The following MED26 variants were observed in gnomAD, a reference collection of about 807,000 sequenced individuals.
MED26 encodes the protein mediator complex subunit 26, also known as mediator of RNA polymerase II transcription subunit 26.
MED26 carries 7 observed loss-of-function variants against 43.7 expected under a neutral mutation model. The observed-to-expected ratio is 0.16, with a 90% CI of 0.09 to 0.30. The LOEUF is 0.30. Among genes scored for constraint, MED26 ranks in the 10% least tolerant of loss-of-function variants. The pLI, the probability that MED26 is intolerant of heterozygous loss-of-function variation, is 1.00. For synonymous variants in MED26, 375 were observed against 371.1 expected, an observed-to-expected ratio of 1.01 and a Z score of -0.12; for missense variants, 784 against 840.6, an observed-to-expected ratio of 0.93 and a Z score of 0.83.
chr19:16,602,521 C>T (rs11668389), intron 1 of MED26, among the ~76,000 whole-genome samples: 13,416 of 152,254 alleles, frequency 0.088, 634 homozygotes, highest in South Asian at 0.13. Context: ...AAAGCAGGGA[C>T]GTGGACAGAC....
chr19:16,580,263 T>C (rs767971007), intron 1 of MED26, among the ~76,000 whole-genome samples: 3 of 152,178 alleles, frequency 2.0e-5, no homozygotes, highest in Non-Finnish European at 2.9e-5. Context: ...ACATTTATCA[T>C]CTTAGGCTCT....
intron 1 of MED26, 62 bp downstream of exon 1, chr19:16,627,810 G>T (rs905453508): frequency 3.9e-6 from 5 of 1,284,948 alleles, no homozygotes; most frequent in Non-Finnish European, 1.0e-6. Flanking sequence ...GAGGGGTACA[G>T]GAGAGGGGGA....
intron 1 of MED26, among the ~76,000 whole-genome samples, chr19:16,616,985 C>T (rs1015887395): frequency 5.3e-5 from 8 of 152,136 alleles, no homozygotes; most frequent in African/African-American, 1.9e-4. Context: ...TGCCCAAGGA[C>T]AGCTCATCTT....
At chr19:16,590,720 T>A (rs1313751314) in intron 1 of MED26, among the ~76,000 whole-genome samples, 2 of 152,230 alleles carry the variant, frequency 1.3e-5, no homozygotes, top group Non-Finnish European at 2.9e-5. Flanking sequence ...ATGCGCAGTT[T>A]ATTGTATGTC....
intron 1 of MED26, among the ~76,000 whole-genome samples, chr19:16,596,675 G>A (rs546355681): frequency 2.6e-5 from 4 of 152,314 alleles, no homozygotes; most frequent in Non-Finnish European, 5.9e-5. Context: ...ATGCGGGGTT[G>A]AAGTGGAAGA....
intron 1 of MED26, among the ~76,000 whole-genome samples, chr19:16,584,115 C>T (rs1220582813): frequency 1.3e-5 from 2 of 151,940 alleles, no homozygotes; most frequent in Non-Finnish European, 1.5e-5. Flanking sequence ...TCCACGGGCG[C>T]GGTGGTGTGC....
chr19:16,604,174 A>G (rs980736737), intron 1 of MED26, among the ~76,000 whole-genome samples: 1 of 152,254 alleles, frequency 6.6e-6, no homozygotes. Flanking sequence ...AAGCACAGAA[A>G]GCTGGGACAC....
chr19:16,593,784 G>A (rs2086108537), intron 1 of MED26, among the ~76,000 whole-genome samples: 2 of 152,182 alleles, frequency 1.3e-5, no homozygotes, highest in Non-Finnish European at 2.9e-5. Flanking sequence ...TGCCATCTCT[G>A]AGTGGGTCCT....
chr19:16,593,077 C>T (rs1480264861), intron 1 of MED26, among the ~76,000 whole-genome samples: 2 of 152,322 alleles, frequency 1.3e-5, no homozygotes, highest in Admixed American at 6.5e-5. Flanking sequence ...GCACCTGGTC[C>T]CCAGGAGGGC....
At chr19:16,578,692 A>G (rs2086027237) in intron 1 of MED26, 2 of 410,936 alleles carry the variant, frequency 4.9e-6, no homozygotes, top group Admixed American at 9.0e-5. Context: ...GAAACCCAGG[A>G]TGCCTGTGGA....
rs1450709447 is a variant in MED26 at position 16,587,991 on chromosome 19, C to T, written c.73-9582G>A. The T allele has an allele frequency of 6.6e-6, 1 of 152,308 alleles. No homozygotes were observed. The highest frequency in any genetic ancestry group is 2.4e-5 in the African/African-American group (1 of 41,452). The allele number at this position is 152,308 out of a possible 1,614,324, so 9.4% of individuals were successfully genotyped here. On this transcript the variant is annotated intron_variant, in intron 1 of 2. Transcript: ENST00000263390. This position sits in a 1 kb window ranked among gnomAD's most constrained non-coding sequence, Gnocchi z 4.9. ...CAGCCACTGCCCCCACAGCGTCCTT[C>T]CCTCCCACTTTCTGTTTTTAGCAGC...
intron 1 of MED26, chr19:16,611,412 G>T (rs1464062003): frequency 6.6e-6 from 1 of 152,144 alleles, no homozygotes. Flanking sequence ...ACGTATGAGA[G>T]GGGAACTAAT....
At chr19:16,584,687 T>C (rs1360185253) in intron 1 of MED26, among the ~76,000 whole-genome samples, 1 of 152,164 alleles carries the variant, frequency 6.6e-6, no homozygotes, top group East Asian at 1.9e-4. Context: ...CCTGAAGAAA[T>C]AATACAATCT....
intron 1 of MED26, among the ~76,000 whole-genome samples, chr19:16,615,133 C>T (rs935561014): frequency 6.6e-6 from 1 of 152,066 alleles, no homozygotes; most frequent in African/African-American, 2.4e-5. Context: ...GGAAGCACTG[C>T]GGGAAAGATC....
intron 1 of MED26, among the ~76,000 whole-genome samples, chr19:16,596,109 C>A (rs1248660275): frequency 2.0e-5 from 3 of 152,174 alleles, no homozygotes; most frequent in African/African-American, 7.2e-5. Flanking sequence ...CTCACTTGAG[C>A]TCAAGTGATC....
chr19:16,604,413 A>G (rs1424485298), intron 1 of MED26, among the ~76,000 whole-genome samples: 2 of 152,240 alleles, frequency 1.3e-5, no homozygotes, highest in Non-Finnish European at 2.9e-5. Context: ...ACTTTTTTAA[A>G]GGAAGACGTA....
chr19:16,577,445 T>A lies in MED26; in HGVS notation c.385A>T (p.Ser129Cys), dbSNP rs1432626877. Residue 129 changes from serine to cysteine, a missense_variant, in exon 3 of 3, where the codon AGC becomes TGC. Ser to Cys is a moderately radical substitution (Grantham distance 112). Coordinates refer to ENST00000263390, the MANE Select transcript of MED26 (RefSeq NM_004831.5). The surrounding 1 kb of genome is among the most constrained non-coding windows in gnomAD (Gnocchi z 8.1). ...GGCAGCCTCTGGAGGTCATTGCGGC[T>A]CTTCAGGTCATGGATGCTCCTGGGT... ...GPPRSIHDLK[S>C]RNDLQRLPGQ... 1.3e-6 allele frequency: 2 copies of A among 1,593,706 alleles called. No individual in the cohort carries two copies.
Position 16,609,336 on chromosome 19 carries a change from A to AGAGAG in MED26, c.72+18535_72+18536insCTCTC, listed in dbSNP as rs1555700670. On this transcript the variant is annotated intron_variant, in intron 1 of 2. Transcript: ENST00000263390. ...CAAAAAAAAAAAAAAAAAAAAAAAA[A>AGAGAG]AGAGAGAGAATAAGATATTAACCAA... Among the ~76,000 whole-genome samples, 64 of 142,372 alleles carry AGAGAG rather than the reference A, an allele frequency of 4.5e-4. 4 individuals carry two copies. The Middle Eastern group carries it at 0.011, about 25-fold the overall frequency. The allele number at this position is 142,372 out of a possible 152,430, so 93.4% of individuals were successfully genotyped here.
chr19:16,627,879 TG>T lies in MED26; in HGVS notation c.64del (p.Gln22ArgfsTer106). 1 of 1,493,948 alleles carries T rather than the reference TG, an allele frequency of 6.7e-7. No individual in the cohort carries two copies. The highest frequency in any genetic ancestry group is 8.9e-7 in the Non-Finnish European group (1 of 1,118,170). The allele number at this position is 1,493,948 out of a possible 1,614,324, so 92.5% of individuals were successfully genotyped here. A position where few individuals can be genotyped will look rare whatever the true frequency, so the allele number is the denominator to read the frequency against. On this transcript the variant is annotated frameshift_variant, in exon 1 of 3. Coordinates refer to ENST00000263390, the MANE Select transcript of MED26 (RefSeq NM_004831.5). LOFTEE classifies it high-confidence loss of function. ...RDRLLQAIDP[Q>X]SNIRNMVAVL... The stretch of plus-strand genomic sequence containing the variant: ...CGCGCGGCGGGTACTTACGTTGCTC[TG>T]GGGGTCGATGGCCTGCAGCAGCCGG...
Sources: gnomAD v4.1 joint callset for allele counts (sites outside exome capture counted in the v4.1 genomes callset) on GRCh38, gnomAD v4.1.1 for gene constraint, Gnocchi (gnomAD v3.1) non-coding constraint, MANE v1.5 for transcripts, NCBI Gene and HGNC (gene_info 2026-07-23, HGNC 2026-07-21) for gene names.